The following MYO6 variants were observed in gnomAD, a reference collection of about 807,000 sequenced individuals.
MYO6 encodes the protein myosin VI, also known as unconventional myosin-VI.
In MYO6, 74 loss-of-function variants were observed where a neutral mutation model predicts 178.7. The ratio of observed to expected loss-of-function variants is 0.41; its 90% CI spans 0.34 to 0.50. The LOEUF is 0.50. MYO6 is among the 20% of genes least tolerant of loss of function. The probability of loss-of-function intolerance (pLI) is 0.09; values close to 1 mark genes in which losing one functional copy is unlikely to be tolerated. For synonymous variants in MYO6, 477 were observed against 504.6 expected, an observed-to-expected ratio of 0.95 and a Z score of 0.73; for missense variants, 1,330 against 1,547.4, an observed-to-expected ratio of 0.86 and a Z score of 2.36.
intron 1 of MYO6, among the ~76,000 whole-genome samples, chr6:75,770,313 A>G (rs1378395721): frequency 6.6e-6 from 1 of 152,246 alleles, no homozygotes; most frequent in Non-Finnish European, 1.5e-5. Flanking sequence ...ATAGCAAGGT[A>G]AAAACAGACC....
At chr6:75,904,294 G>A (rs1255575852) in intron 30 of MYO6, among the ~76,000 whole-genome samples, 2 of 150,880 alleles carry the variant, frequency 1.3e-5, no homozygotes, top group East Asian at 1.9e-4. Context: ...GATTGGGTAA[G>A]TTCTCCTGGA....
rs1328889905 is a variant in MYO6 at position 75,833,304 on chromosome 6, T to G, written c.497+357T>G. ...CACCATGCTTGGCAACCAGGTTGAC[T>G]TTTTTCTGGTAAAAAAATACTTAAG... On this transcript the variant is annotated intron_variant, in intron 6 of 34. Transcript: ENST00000369977. 2.6e-5 allele frequency among the ~76,000 whole-genome samples: 4 copies of G among 152,226 alleles called. No homozygotes were observed. In the East Asian group the frequency reaches 7.7e-4, roughly 29 times the overall value.
chr6:75,900,438 T>G (rs1381994797), intron 30 of MYO6, among the ~76,000 whole-genome samples: 1 of 152,200 alleles, frequency 6.6e-6, no homozygotes, highest in African/African-American at 2.4e-5. Context: ...CTAACTGATG[T>G]GAGATGGTAT....
rs1267119982 is a variant in MYO6, at chr6:75,844,938, A to C, written c.858A>C (p.Glu286Asp). ...GCACTAGATACTTTGCTAACAAAGA[A>C]ACTGACAAACAGATTTTACAGAACC... ...RGCTRYFANK[E>D]TDKQILQNRK... Residue 286 changes from glutamate (E) to aspartate (D), a missense_variant, in exon 10 of 35, where the codon GAA (glutamate) becomes GAC (aspartate). Glu to Asp is a conservative substitution (Grantham distance 45, BLOSUM62 2). Coordinates refer to ENST00000369977, the MANE Select transcript of MYO6 (RefSeq NM_004999.4). 1 of 1,613,560 alleles carries C rather than the reference A, an allele frequency of 6.2e-7. No individual in the cohort carries two copies. Among genetic ancestry groups the C allele is most frequent in the South Asian group, 1.1e-5 (1 of 91,054 alleles).
chr6:75,802,480 T>A (rs138306260), intron 1 of MYO6, among the ~76,000 whole-genome samples: 168 of 1,234 alleles, frequency 0.14, no homozygotes, highest in East Asian at 0.4. Flanking sequence ...AAAAAAAAAA[T>A]TTTTTTTTTT....
In MYO6 at chr6:75,895,218, A is replaced by G. The variant is rs1382221467; in HGVS notation, c.3108-13A>G. 1.3e-6 allele frequency: 2 copies of G among 1,595,988 alleles called. No individual in the cohort carries two copies. The highest frequency in any genetic ancestry group is 1.7e-5 in the Admixed American group (1 of 59,814). ...TTGGTTACGATATTAACTAAAATAT[A>G]TTCTTTTCACAGAAATGATGGAACA... is the stretch of plus-strand genomic sequence containing the variant. On this transcript the variant is annotated splice_polypyrimidine_tract_variant and intron_variant, in intron 28 of 34. Coordinates refer to ENST00000369977, the MANE Select transcript of MYO6 (RefSeq NM_004999.4).
chr6:75,907,345 A>T (rs1254735006), intron 30 of MYO6, among the ~76,000 whole-genome samples: 2 of 152,350 alleles, frequency 1.3e-5, no homozygotes, highest in South Asian at 2.1e-4. Context: ...GTCTGGGGGA[A>T]GTTTGTGGAA....
intron 1 of MYO6, among the ~76,000 whole-genome samples, chr6:75,810,540 C>G (rs1360758698): frequency 1.3e-5 from 2 of 152,120 alleles, no homozygotes; most frequent in South Asian, 2.1e-4. Flanking sequence ...TGTCTGACCT[C>G]CCTTCCTGTC....
intron 16 of MYO6, among the ~76,000 whole-genome samples, chr6:75,866,080 T>G (rs1776642622): frequency 6.6e-6 from 1 of 152,194 alleles, no homozygotes; most frequent in Non-Finnish European, 1.5e-5. Context: ...TAAAGATAGA[T>G]TTTAAAAAGT....
chr6:75,914,785 G>A, intron 34 of MYO6, 28 bp from the exon 35 acceptor site: 1 of 1,607,074 alleles, frequency 6.2e-7, no homozygotes, highest in Non-Finnish European at 8.5e-7. Context: ...GAGAGAGATG[G>A]TAATTTTCTG....
chr6:75,911,947 A>G (rs1176046784), intron 33 of MYO6, among the ~76,000 whole-genome samples: 2 of 152,144 alleles, frequency 1.3e-5, no homozygotes, highest in Admixed American at 6.5e-5. Context: ...GCATTAAGAA[A>G]ATGACTAGCA....
chr6:75,844,407 G>A lies in MYO6; in HGVS notation c.817-490G>A, dbSNP rs188096982. On this transcript the variant is annotated intron_variant, in intron 9 of 34. Coordinates refer to ENST00000369977, the MANE Select transcript of MYO6 (RefSeq NM_004999.4). Reference sequence around the variant, plus strand: ...GTCATTGTTAGCTTTCAATAAATGTGAAAAGCATGTTTTAAAAAACTGACT... The same window carrying A: ...GTCATTGTTAGCTTTCAATAAATGTAAAAAGCATGTTTTAAAAAACTGACT... Among the ~76,000 whole-genome samples, 338 of 152,124 alleles carry A rather than the reference G, an allele frequency of 2.2e-3. 4 individuals carry two copies. Among genetic ancestry groups the A allele is most frequent in the Non-Finnish European group, 7.1e-4 (48 of 67,948 alleles).
At chr6:75,893,498 G>A (rs981758509) in intron 28 of MYO6, among the ~76,000 whole-genome samples, 2 of 152,110 alleles carry the variant, frequency 1.3e-5, no homozygotes, top group Non-Finnish European at 2.9e-5. Flanking sequence ...AAAATATAGA[G>A]TACAACCACT....
chr6:75,753,530 C>T (rs1051718372), intron 1 of MYO6, among the ~76,000 whole-genome samples: 13 of 151,168 alleles, frequency 8.6e-5, no homozygotes, highest in East Asian at 1.9e-4. Context: ...GGCATGATCT[C>T]GGCTTACTGC....
intron 1 of MYO6, among the ~76,000 whole-genome samples, chr6:75,753,154 G>T (rs1030239361): frequency 6.6e-6 from 1 of 152,116 alleles, no homozygotes; most frequent in Non-Finnish European, 1.5e-5. Flanking sequence ...CATTTCAGCA[G>T]TAGGATGTAG....
chr6:75,829,933 C>T (rs981981264), intron 4 of MYO6, among the ~76,000 whole-genome samples: 2 of 152,090 alleles, frequency 1.3e-5, no homozygotes, highest in Non-Finnish European at 2.9e-5. Context: ...GAAGGTGCTA[C>T]GAGCTGTATT....
intron 3 of MYO6, among the ~76,000 whole-genome samples, chr6:75,825,391 G>C (rs970096151): frequency 4.6e-5 from 7 of 152,118 alleles, no homozygotes; most frequent in Non-Finnish European, 7.4e-5. Flanking sequence ...TCAGGACTTT[G>C]AGACCAGCCT....
rs1430783320 is a variant in MYO6 at position 75,870,694 on chromosome 6, G to A, written c.1983+9G>A. 2 of 1,609,058 alleles carry A rather than the reference G, an allele frequency of 1.2e-6. No homozygotes were observed. Among genetic ancestry groups the A allele is most frequent in the Non-Finnish European group, 1.7e-6 (2 of 1,176,976 alleles). On this transcript the variant is annotated intron_variant, in intron 19 of 34. Transcript: ENST00000369977. ...ATAAACTTCGAAGTACTGTGAGTAT[G>A]CTTAAAAAGAAAACAGGTTTTTATG...
At chr6:75,877,343 T>G (rs868224356) in intron 20 of MYO6, among the ~76,000 whole-genome samples, 3 of 151,744 alleles carry the variant, frequency 2.0e-5, no homozygotes, top group African/African-American at 7.3e-5. Context: ...CTTGGCTGAC[T>G]GCAACCTCTG....
Sources: gnomAD v4.1 joint callset for allele counts (sites outside exome capture counted in the v4.1 genomes callset) on GRCh38, gnomAD v4.1.1 for gene constraint, MANE v1.5 for transcripts, NCBI Gene and HGNC (gene_info 2026-07-23, HGNC 2026-07-21) for gene names.